Variants in SNTG1 observed in about 807,000 individuals in gnomAD.
SNTG1 encodes gamma-1-syntrophin.
Under a neutral mutation model 74.7 loss-of-function variants are expected in SNTG1, and 39 were observed. The observed-to-expected ratio is 0.52, with a 90% confidence interval of 0.40 to 0.68. The LOEUF (loss-of-function observed/expected upper bound fraction) is 0.68. SNTG1 is among the 30% of genes least tolerant of loss of function. The pLI is 0.00. For synonymous variants in SNTG1, 254 were observed against 217.1 expected (o/e 1.17, Z -1.49); for missense variants, 685 against 609.5 (o/e 1.12, Z -1.30).
intron 13 of SNTG1, among the ~76,000 whole-genome samples, chr8:50,599,605 G>A (rs1194023326): frequency 6.6e-6 from 1 of 151,896 alleles, no homozygotes; most frequent in African/African-American, 2.4e-5. Flanking sequence ...TTACAAATGG[G>A]GTTACAGTTT....
intron 3 of SNTG1, among the ~76,000 whole-genome samples, chr8:50,394,888 T>C (rs2092708005): frequency 6.6e-6 from 1 of 151,592 alleles, no homozygotes; most frequent in Non-Finnish European, 1.5e-5. Flanking sequence ...TTCAAAGTAT[T>C]GTGTTTTCAT....
At chr8:50,555,580 C>T (rs1391637340) in intron 12 of SNTG1, among the ~76,000 whole-genome samples, 1 of 152,030 alleles carries the variant, frequency 6.6e-6, no homozygotes, top group African/African-American at 2.4e-5. Flanking sequence ...GGAAATAACA[C>T]CTTATGGAAA....
chr8:50,097,091 T>G (rs1346178893), intron 1 of SNTG1, among the ~76,000 whole-genome samples: 1 of 152,024 alleles, frequency 6.6e-6, no homozygotes, highest in Non-Finnish European at 1.5e-5. Flanking sequence ...TGCCTCAGCC[T>G]CCCAAGTAGC....
At chr8:50,584,186 G>A (rs1187497259) in intron 12 of SNTG1, among the ~76,000 whole-genome samples, 1 of 152,078 alleles carries the variant, frequency 6.6e-6, no homozygotes, top group African/African-American at 2.4e-5. Context: ...TGGACATTAG[G>A]GTTGGTTCCA....
chr8:50,293,417 CTT>C (rs1008301090), intron 2 of SNTG1, among the ~76,000 whole-genome samples: 1 of 118,688 alleles, frequency 8.4e-6, no homozygotes, highest in Admixed American at 8.8e-5. Flanking sequence ...TTTTTTTTTT[CTT>C]TTTTTTTTTA....
At chr8:49,979,548 C>A (rs182401581) in intron 1 of SNTG1, among the ~76,000 whole-genome samples, 3 of 152,328 alleles carry the variant, frequency 2.0e-5, no homozygotes, top group Admixed American at 1.3e-4. Flanking sequence ...CTCTGCCTGT[C>A]TGCACACCAA....
At chr8:50,652,732 G>A (rs1170959922) in intron 13 of SNTG1, among the ~76,000 whole-genome samples, 1 of 152,176 alleles carries the variant, frequency 6.6e-6, no homozygotes, top group East Asian at 1.9e-4. Flanking sequence ...AGGAGGTGGA[G>A]GTTGCAGTGA....
At chr8:50,455,619 T>C (rs573152419) in intron 8 of SNTG1, among the ~76,000 whole-genome samples, 1 of 152,348 alleles carries the variant, frequency 6.6e-6, no homozygotes, top group Non-Finnish European at 1.5e-5. Context: ...TAAGTCAATT[T>C]AAAATTTCCA....
intron 17 of SNTG1, among the ~76,000 whole-genome samples, chr8:50,734,238 C>T (rs1306818198): frequency 6.6e-6 from 1 of 151,646 alleles, no homozygotes; most frequent in Admixed American, 6.6e-5. Flanking sequence ...AAACTATAGA[C>T]ATTTATTTAT....
intron 16 of SNTG1, among the ~76,000 whole-genome samples, chr8:50,707,443 A>G (rs1160712650): frequency 1.3e-5 from 2 of 151,984 alleles, no homozygotes; most frequent in Non-Finnish European, 2.9e-5. Flanking sequence ...CCCATTAAGT[A>G]TGTTCTTTAG....
chr8:50,116,010 C>G (rs1379433903), intron 1 of SNTG1, among the ~76,000 whole-genome samples: 1 of 152,108 alleles, frequency 6.6e-6, no homozygotes, highest in Non-Finnish European at 1.5e-5. Flanking sequence ...TACACACAGT[C>G]ACAGCACCAT....
At chr8:50,103,972 A>T (rs2131256422) in intron 1 of SNTG1, among the ~76,000 whole-genome samples, 1 of 152,286 alleles carries the variant, frequency 6.6e-6, no homozygotes, top group Non-Finnish European at 1.5e-5. Context: ...CCAGTATTTT[A>T]TTGAGGATTT....
At chr8:50,224,571 T>C (rs756056846) in intron 2 of SNTG1, among the ~76,000 whole-genome samples, 2 of 152,198 alleles carry the variant, frequency 1.3e-5, no homozygotes, top group Non-Finnish European at 2.9e-5. Flanking sequence ...TGAATGCAGT[T>C]GTAAACCAAA....
At chr8:50,441,086 C>T (rs2093353805) in intron 5 of SNTG1, among the ~76,000 whole-genome samples, 3 of 152,080 alleles carry the variant, frequency 2.0e-5, no homozygotes, top group East Asian at 1.9e-4. Context: ...CTCACATCTC[C>T]CCACAAACTG....
intron 12 of SNTG1, among the ~76,000 whole-genome samples, chr8:50,567,671 T>C (rs2094523673): frequency 6.6e-6 from 1 of 152,118 alleles, no homozygotes; most frequent in Non-Finnish European, 1.5e-5. Flanking sequence ...TAATAATATG[T>C]ACAAGAACCA....
At chr8:50,514,234 G>A (rs1048983992) in intron 9 of SNTG1, among the ~76,000 whole-genome samples, 16 of 151,646 alleles carry the variant, frequency 1.1e-4, no homozygotes, top group African/African-American at 3.6e-4. Flanking sequence ...CTTTATAATG[G>A]CTCTCCTTCT....
intron 1 of SNTG1, among the ~76,000 whole-genome samples, chr8:50,162,833 G>T (rs2082472384): frequency 6.6e-6 from 1 of 152,094 alleles, no homozygotes; most frequent in African/African-American, 2.4e-5. Flanking sequence ...AGGTAAACAT[G>T]CCCCGGCTAT....
chr8:50,020,260 G>A (rs1816701269), intron 1 of SNTG1, among the ~76,000 whole-genome samples: 1 of 152,026 alleles, frequency 6.6e-6, no homozygotes, highest in Non-Finnish European at 1.5e-5. Context: ...AGAAGATAAC[G>A]CTTCCCTCAG....
chr8:50,762,158 A>G (rs1452804242), intron 18 of SNTG1, among the ~76,000 whole-genome samples: 1 of 151,998 alleles, frequency 6.6e-6, no homozygotes, highest in Non-Finnish European at 1.5e-5. Flanking sequence ...CCAGTTATAT[A>G]AATCTAAATA....
Sources: gnomAD v4.1 joint callset for allele counts (sites outside exome capture counted in the v4.1 genomes callset) on GRCh38, gnomAD v4.1.1 for gene constraint, MANE v1.5 for transcripts, NCBI Gene and HGNC (gene_info 2026-07-23, HGNC 2026-07-21) for gene names.